ATP6V1G3: variants seen among roughly 807,000 people sequenced by gnomAD.
ATP6V1G3 encodes the protein V-type proton ATPase subunit G 3.
ATP6V1G3 carries 9 observed loss-of-function variants against 9.3 expected under a neutral mutation model. The observed-to-expected ratio is 0.97, with a 90% CI of 0.59 to 1.69. The LOEUF (loss-of-function observed/expected upper bound fraction) is 1.69. ATP6V1G3 is among the 40% of genes most tolerant of loss of function. The probability of loss-of-function intolerance (pLI) is 0.00; values close to 1 mark genes in which losing one functional copy is unlikely to be tolerated. For missense variants in ATP6V1G3, 133 were observed against 139.0 expected, an observed-to-expected ratio of 0.96 and a Z score of 0.22; for synonymous variants, 43 against 43.8, an observed-to-expected ratio of 0.98 and a Z score of 0.07.
intron 2 of ATP6V1G3, among the ~76,000 whole-genome samples, chr1:198,524,496 G>C (rs1171620524): frequency 6.6e-6 from 1 of 152,086 alleles, no homozygotes; most frequent in Non-Finnish European, 1.5e-5. Flanking sequence ...TTAAAATTGA[G>C]TGTGCTTGTT....
intron 1 of ATP6V1G3, among the ~76,000 whole-genome samples, chr1:198,531,377 A>T (rs1659891772): frequency 6.6e-6 from 1 of 152,234 alleles, no homozygotes; most frequent in African/African-American, 2.4e-5. Flanking sequence ...CTCTGTGTGT[A>T]AGAATTTGGC....
intron 1 of ATP6V1G3, among the ~76,000 whole-genome samples, chr1:198,531,189 G>A (rs1042804872): frequency 6.6e-6 from 1 of 152,110 alleles, no homozygotes. Context: ...CAGGGAAATC[G>A]TTGCTGGCAC....
At chr1:198,525,025 A>T (rs1659600097) in intron 2 of ATP6V1G3, among the ~76,000 whole-genome samples, 1 of 152,196 alleles carries the variant, frequency 6.6e-6, no homozygotes, top group African/African-American at 2.4e-5. Context: ...GGGTCTTCTC[A>T]GTTCAAAGAA....
intron 1 of ATP6V1G3, among the ~76,000 whole-genome samples, chr1:198,540,346 G>C (rs1380104454): frequency 6.6e-6 from 1 of 152,180 alleles, no homozygotes; most frequent in Admixed American, 6.5e-5. Flanking sequence ...TAATGTCCAT[G>C]AACACATGAC....
In ATP6V1G3 at chr1:198,523,282, T is replaced by G; in HGVS notation, c.*109A>C. 5 of 1,085,496 alleles carry G rather than the reference T, an allele frequency of 4.6e-6. No homozygotes were observed. Among genetic ancestry groups the G allele is most frequent in the Non-Finnish European group, 6.7e-6 (5 of 749,892 alleles). 67.2% of individuals were successfully genotyped at this position (1,085,496 alleles called of 1,614,324 possible). ...TGAGTTATGTCACATTTCCTGTAAA[T>G]GTAAATTTAAGGTTCTCATTTCAAA... On this transcript the variant is annotated 3_prime_UTR_variant, in exon 3 of 3. Transcript: ENST00000367382.
chr1:198,531,381 A>C (rs1659892120), intron 1 of ATP6V1G3, among the ~76,000 whole-genome samples: 2 of 152,320 alleles, frequency 1.3e-5, no homozygotes, highest in African/African-American at 4.8e-5. Flanking sequence ...GTGTGTAAGA[A>C]TTTGGCAATT....
chr1:198,524,326 T>C (rs2103129186), intron 2 of ATP6V1G3, among the ~76,000 whole-genome samples: 1 of 152,168 alleles, frequency 6.6e-6, no homozygotes, highest in East Asian at 1.9e-4. Context: ...GGTTTCACTT[T>C]GTTGGCCAGG....
At chr1:198,540,931 G>A (rs1168565100), upstream of ATP6V1G3, 2 of 426,694 alleles carry the variant, frequency 4.7e-6, no homozygotes, top group East Asian at 3.8e-5. Flanking sequence ...ATGAGGTGTT[G>A]CATCTACTTA....
At chr1:198,533,652 C>T (rs554958171) in intron 1 of ATP6V1G3, among the ~76,000 whole-genome samples, 230 of 152,174 alleles carry the variant, frequency 1.5e-3, no homozygotes, top group African/African-American at 5.1e-3. Flanking sequence ...AGGGAAGCAA[C>T]GAGTGCTGGG....
chr1:198,524,215 C>G (rs1294755732), intron 2 of ATP6V1G3, among the ~76,000 whole-genome samples: 1 of 151,736 alleles, frequency 6.6e-6, no homozygotes, highest in East Asian at 1.9e-4. Flanking sequence ...ACCTTCGCCT[C>G]CCAGGTTCAA....
At chr1:198,527,688 G>A (rs1418844683) in intron 2 of ATP6V1G3, among the ~76,000 whole-genome samples, 2 of 152,108 alleles carry the variant, frequency 1.3e-5, no homozygotes, top group Non-Finnish European at 2.9e-5. Flanking sequence ...CATGTCTACT[G>A]TGTGGCAGGC....
At chr1:198,537,345 G>A (rs2103144481) in intron 1 of ATP6V1G3, among the ~76,000 whole-genome samples, 1 of 152,170 alleles carries the variant, frequency 6.6e-6, no homozygotes, top group Non-Finnish European at 1.5e-5. Flanking sequence ...TATTAATCTT[G>A]TATTTTCCTG....
chr1:198,523,477 A>G lies in ATP6V1G3; in HGVS notation c.271T>C (p.Tyr91His), dbSNP rs1188865479. Residue 91 changes from tyrosine (Y) to histidine (H), a missense_variant, in exon 3 of 3, where the codon TAT (tyrosine) becomes CAT (histidine). Transcript: ENST00000367382. ...IQELNGHYNK[Y>H]MESVMNQLLS... ...AGCTGGTTCATCACACTTTCCATATACTTATTGTAGTGTCCATTAAGTTCT... is the reference window on the plus strand; with the variant it reads ...AGCTGGTTCATCACACTTTCCATATGCTTATTGTAGTGTCCATTAAGTTCT... The G allele has an allele frequency of 6.2e-7, 1 of 1,613,334 alleles. No individual in the cohort carries two copies. Among genetic ancestry groups the G allele is most frequent in the African/African-American group, 1.3e-5 (1 of 74,844 alleles).
At position 198,523,403 on chromosome 1, in the gene ATP6V1G3, T is replaced by C; in HGVS notation, c.345A>G (p.Arg115=). 6.2e-7 allele frequency: 1 copy of C among 1,612,712 alleles called. No individual in the cohort carries two copies. The highest frequency in any genetic ancestry group is 8.5e-7 in the Non-Finnish European group (1 of 1,179,326). ...DMKPEIHVNY[R]ATN Reference sequence around the variant, plus strand: ...CTGTGATGTACATTTAGTTGGTGGCTCTGTAGTTCACATGGATTTCTGGTT... The same window carrying C: ...CTGTGATGTACATTTAGTTGGTGGCCCTGTAGTTCACATGGATTTCTGGTT... Residue 115 remains arginine, a synonymous_variant, in exon 3 of 3, where the codon AGA becomes AGG. Transcript: ENST00000367382.
chr1:198,537,873 A>T (rs1660181169), intron 1 of ATP6V1G3, among the ~76,000 whole-genome samples: 1 of 152,252 alleles, frequency 6.6e-6, no homozygotes, highest in Non-Finnish European at 1.5e-5. Flanking sequence ...AACATTAGGG[A>T]AGTTATAACA....
intron 1 of ATP6V1G3, among the ~76,000 whole-genome samples, chr1:198,535,280 A>G (rs879606321): frequency 3.3e-4 from 50 of 152,190 alleles, no homozygotes; most frequent in Admixed American, 1.6e-3. Context: ...ATTCTTATAT[A>G]ACAACTTTTA....
chr1:198,539,206 A>G (rs564891335), intron 1 of ATP6V1G3, among the ~76,000 whole-genome samples: 1 of 152,288 alleles, frequency 6.6e-6, no homozygotes, highest in Admixed American at 6.5e-5. Context: ...AAAGGAAATG[A>G]TTTTACCTGT....
At chr1:198,533,167 G>A (rs1210780408) in intron 1 of ATP6V1G3, among the ~76,000 whole-genome samples, 2 of 152,020 alleles carry the variant, frequency 1.3e-5, no homozygotes, top group Non-Finnish European at 2.9e-5. Context: ...AGGTGGACAT[G>A]GTGGTGCGTG....
intron 1 of ATP6V1G3, among the ~76,000 whole-genome samples, chr1:198,534,645 G>T (rs1042606366): frequency 1.3e-5 from 2 of 152,142 alleles, no homozygotes; most frequent in African/African-American, 4.8e-5. Flanking sequence ...GAAAATAGTA[G>T]GTATTGAAAT....
Sources: allele counts gnomAD v4.1 joint callset (sites outside exome capture counted in the v4.1 genomes callset), GRCh38; gene constraint gnomAD v4.1.1; transcripts MANE v1.5; gene names NCBI Gene and HGNC (gene_info 2026-07-23, HGNC 2026-07-21).